RPS6KL1: variants seen among roughly 807,000 people sequenced by gnomAD.
RPS6KL1 encodes ribosomal protein S6 kinase-like 1.
RPS6KL1 carries 41 observed loss-of-function variants against 57.0 expected under a neutral mutation model. The ratio of observed to expected loss-of-function variants is 0.72; its 90% CI spans 0.56 to 0.93. RPS6KL1 has a LOEUF of 0.93. Among genes scored for constraint, RPS6KL1 ranks in the 40% least tolerant of loss-of-function variants. The probability of loss-of-function intolerance (pLI) is 0.00; values close to 1 mark genes in which losing one functional copy is unlikely to be tolerated. For missense variants in RPS6KL1, 697 were observed against 727.7 expected, an observed-to-expected ratio of 0.96 and a Z score of 0.49; for synonymous variants, 287 against 309.7, an observed-to-expected ratio of 0.93 and a Z score of 0.77.
At chr14:74,914,306 A>C (rs1886496561) in intron 5 of RPS6KL1, among the ~76,000 whole-genome samples, 1 of 152,174 alleles carries the variant, frequency 6.6e-6, no homozygotes, top group African/African-American at 2.4e-5. Context: ...TTTCCCACAA[A>C]TCCTGACACC....
intron 4 of RPS6KL1, among the ~76,000 whole-genome samples, chr14:74,919,165 A>C (rs893666111): frequency 3.3e-5 from 5 of 152,138 alleles, no homozygotes; most frequent in African/African-American, 9.7e-5. Flanking sequence ...ACAAAGCGAG[A>C]CTCCATCTCA....
Position 74,921,558 on chromosome 14 carries a change from G to C in RPS6KL1, c.-17C>G. On this transcript the variant is annotated 5_prime_UTR_variant, in exon 3 of 12. Coordinates refer to ENST00000557413, the MANE Select transcript of RPS6KL1 (RefSeq NM_031464.5). ...CAGGCTCATGGCTGCCCTGCAGCTG[G>C]GACCTGGAATGGGCAAATGCATTAG... is the stretch of plus-strand genomic sequence containing the variant. 6.2e-7 allele frequency: 1 copy of C among 1,611,544 alleles called. No homozygotes were observed. Among genetic ancestry groups the C allele is most frequent in the Non-Finnish European group, 8.5e-7 (1 of 1,179,094 alleles).
In RPS6KL1 at chr14:74,919,976, G is replaced by C. The variant is rs756501973; in HGVS notation, c.266-7C>G. 1 of 1,614,124 alleles carries C rather than the reference G, an allele frequency of 6.2e-7. No homozygotes were observed. Among genetic ancestry groups the C allele is most frequent in the South Asian group, 1.1e-5 (1 of 91,082 alleles). On this transcript the variant is annotated splice_region_variant and splice_polypyrimidine_tract_variant and intron_variant, in intron 3 of 11. Transcript: ENST00000557413. Reference sequence around the variant, plus strand: ...CGCTCCTTGTTGGGGTCAACTGTGGGAGACAAGAGTCACCAGGGTCCCCAG... The same window carrying C: ...CGCTCCTTGTTGGGGTCAACTGTGGCAGACAAGAGTCACCAGGGTCCCCAG...
rs1275661388 is a variant in RPS6KL1, at chr14:74,904,510, T to C, written c.*2504A>G. On this transcript the variant is annotated 3_prime_UTR_variant, in exon 12 of 12. Transcript: ENST00000557413. The stretch of plus-strand genomic sequence containing the variant: ...TGAGACGAGGGGTCCATACAGATGG[T>C]TGGGGGGCTTAGGATGTTTTTTGTT... The C allele has an allele frequency of 6.6e-6, 1 of 152,118 alleles. No individual in the cohort carries two copies. The highest frequency in any genetic ancestry group is 1.9e-4 in the East Asian group (1 of 5,200). The allele number at this position is 152,118 out of a possible 1,614,324, so 9.4% of individuals were successfully genotyped here.
chr14:74,907,612 C>T (rs1885144512), intron 10 of RPS6KL1, 82 bp from the exon 11 acceptor site: 1 of 1,316,852 alleles, frequency 7.6e-7, no homozygotes, highest in East Asian at 2.5e-5. Context: ...TTTTTTTTCC[C>T]CATGTCACAG....
At chr14:74,917,921 G>C (rs1478028650) in intron 5 of RPS6KL1, among the ~76,000 whole-genome samples, 2 of 152,048 alleles carry the variant, frequency 1.3e-5, no homozygotes, top group Non-Finnish European at 2.9e-5. Context: ...AGTGTGGTGG[G>C]GGTGCTGTGG....
In RPS6KL1 at chr14:74,911,376, AG is replaced by A. The variant is rs1174069840; in HGVS notation, c.535del (p.Leu179TyrfsTer7). On this transcript the variant is annotated frameshift_variant, in exon 7 of 12. Coordinates refer to ENST00000557413, the MANE Select transcript of RPS6KL1 (RefSeq NM_031464.5). LOFTEE classifies it high-confidence loss of function. ...ATGGTFVVKS[L>X]PRCHMVSRER... is the part of the protein sequence containing the mutation. The stretch of plus-strand genomic sequence containing the variant: ...CCTGCTCACCATGTGGCACCTGGGT[AG>A]GCTCTGGGAGCAGCAGGGCAGGCAG... 6.2e-7 allele frequency: 1 copy of A among 1,604,300 alleles called. No homozygotes were observed. Among genetic ancestry groups the A allele is most frequent in the Non-Finnish European group, 8.5e-7 (1 of 1,177,686 alleles).
At chr14:74,909,261 C>T (rs1885470769) in intron 8 of RPS6KL1, 71 bp from the exon 9 acceptor site, 1 of 1,449,444 alleles carries the variant, frequency 6.9e-7, no homozygotes, top group Non-Finnish European at 9.7e-7. Flanking sequence ...GGTTGCAGGG[C>T]TTCCCCCAAC....
chr14:74,905,512 C>T lies in RPS6KL1; in HGVS notation c.*1502G>A, dbSNP rs539493847. Reference sequence around the variant, plus strand: ...TGAGGCCCACATGGCATGCTGCTCACCACCAGCCCTGCGTCCTACTTCCTG... The same window carrying T: ...TGAGGCCCACATGGCATGCTGCTCATCACCAGCCCTGCGTCCTACTTCCTG... On this transcript the variant is annotated 3_prime_UTR_variant, in exon 12 of 12. Coordinates refer to ENST00000557413, the MANE Select transcript of RPS6KL1 (RefSeq NM_031464.5). 7.2e-5 allele frequency: 11 copies of T among 152,218 alleles called. No homozygotes were observed. The highest frequency in any genetic ancestry group is 2.6e-4 in the African/African-American group (11 of 41,522). The allele number at this position is 152,218 out of a possible 1,614,324, so 9.4% of individuals were successfully genotyped here.
At position 74,921,355 on chromosome 14, in the gene RPS6KL1, G is replaced by C; in HGVS notation, c.187C>G (p.Arg63Gly). The change falls in exon 3 of 12, where the codon CGC (arginine) becomes GGC (glycine). Residue 63 changes from arginine to glycine, a missense_variant. Physicochemically the swap from Arg to Gly is moderately radical, Grantham distance 125. Transcript: ENST00000557413. ...AATQIRLALE[R>G]DVSEDYEAAF... ...GCCTCATAGTCCTCACTAACATCGC[G>C]CTCCAGGGCCAGCCGGATCTGCGTG... 1 of 1,614,198 alleles carries C rather than the reference G, an allele frequency of 6.2e-7. No individual in the cohort carries two copies. The highest frequency in any genetic ancestry group is 8.5e-7 in the Non-Finnish European group (1 of 1,180,040).
At position 74,907,093 on chromosome 14, in the gene RPS6KL1, C is replaced by T. The variant is rs1885020692; in HGVS notation, c.1571G>A (p.Gly524Asp). 6.2e-7 allele frequency: 1 copy of T among 1,613,656 alleles called. No individual in the cohort carries two copies. The highest frequency in any genetic ancestry group is 1.1e-5 in the South Asian group (1 of 90,938). ...LLQFEPTRRLGMGEGGVSKLK... is the reference protein window; with the variant it reads ...LLQFEPTRRLDMGEGGVSKLK... ...TTTGCTGACACCACCTTCTCCCATG[C>T]CCAGGCGCCGGGTAGGCTCGAACTG... Residue 524 changes from glycine to aspartate, a missense_variant, in exon 12 of 12, where the codon GGC (glycine) becomes GAC (aspartate). Transcript: ENST00000557413.
rs1887855710 is a variant in RPS6KL1 at position 74,921,576 on chromosome 14, T to C, written c.-20-15A>G. On this transcript the variant is annotated splice_polypyrimidine_tract_variant and intron_variant, in intron 2 of 11. Coordinates refer to ENST00000557413, the MANE Select transcript of RPS6KL1 (RefSeq NM_031464.5). The stretch of plus-strand genomic sequence containing the variant: ...GCAGCTGGGACCTGGAATGGGCAAA[T>C]GCATTAGGGAGGACCTAGCTGGTAG... 1 of 1,604,762 alleles carries C rather than the reference T, an allele frequency of 6.2e-7. No homozygotes were observed. Among genetic ancestry groups the C allele is most frequent in the South Asian group, 1.1e-5 (1 of 90,602 alleles).
intron 5 of RPS6KL1, among the ~76,000 whole-genome samples, chr14:74,912,345 C>G (rs1291743495): frequency 6.6e-6 from 1 of 151,716 alleles, no homozygotes; most frequent in African/African-American, 2.4e-5. Flanking sequence ...GACGGGAGGG[C>G]TGAGAAGCCC....
chr14:74,907,089 C>CT lies in RPS6KL1; in HGVS notation c.1574_1575insA (p.Met525IlefsTer32). 18 of 1,613,728 alleles carry CT rather than the reference C, an allele frequency of 1.1e-5. No homozygotes were observed. The highest frequency in any genetic ancestry group is 1.5e-5 in the Non-Finnish European group (18 of 1,179,862). On this transcript the variant is annotated frameshift_variant, in exon 12 of 12. Coordinates refer to ENST00000557413, the MANE Select transcript of RPS6KL1 (RefSeq NM_031464.5). LOFTEE classifies it high-confidence loss of function. ...TGAGTTTGCTGACACCACCTTCTCC[C>CT]ATGCCCAGGCGCCGGGTAGGCTCGA...
rs537079155 is a variant in RPS6KL1 at position 74,906,409 on chromosome 14, T to TGGGGGGGGGGG, written c.*604_*605insCCCCCCCCCCC. 6.4e-6 allele frequency: 1 copy of TGGGGGGGGGGG among 157,414 alleles called. No homozygotes were observed. Among genetic ancestry groups the TGGGGGGGGGGG allele is most frequent in the African/African-American group, 6.6e-5 (1 of 15,248 alleles). 9.8% of individuals were successfully genotyped at this position (157,414 alleles called of 1,614,324 possible). On this transcript the variant is annotated 3_prime_UTR_variant, in exon 12 of 12. Coordinates refer to ENST00000557413, the MANE Select transcript of RPS6KL1 (RefSeq NM_031464.5). ...AGGGGGCATGGTCAGGAATCGGGGG[T>TGGGGGGGGGGG]GGGGGGGTGGGGGTGGGGGTCATCC...
At chr14:74,915,796 T>TA (rs1267381472) in intron 5 of RPS6KL1, among the ~76,000 whole-genome samples, 3 of 152,084 alleles carry the variant, frequency 2.0e-5, no homozygotes, top group Admixed American at 1.3e-4. Context: ...TGGTAACAAC[T>TA]AAAAAAACCC....
intron 3 of RPS6KL1, 131 bp downstream of exon 3, chr14:74,921,146 G>T: frequency 1.3e-6 from 1 of 748,336 alleles, no homozygotes; most frequent in Non-Finnish European, 2.2e-6. Flanking sequence ...TTTTATGGAG[G>T]CCCTGCAGGC....
intron 3 of RPS6KL1, 39 bp downstream of exon 3, chr14:74,921,238 T>TCCCCCCCCCCCCCCCCCCCCCCCCCC: frequency 1.2e-6 from 1 of 840,164 alleles, no homozygotes; most frequent in Non-Finnish European, 2.0e-6. Flanking sequence ...CACTGGCCCT[T>TCCCCCCCCCCCCCCCCCCCCCCCCCC]CCCCACCCAC....
At chr14:74,911,413 G>T in intron 6 of RPS6KL1, 33 bp from the exon 7 acceptor site, 1 of 1,591,398 alleles carries the variant, frequency 6.3e-7, no homozygotes, top group African/African-American at 1.3e-5. Flanking sequence ...ATCAGCCGGG[G>T]ACAGGCCAGA....
Sources: allele counts gnomAD v4.1 joint callset (sites outside exome capture counted in the v4.1 genomes callset), GRCh38; gene constraint gnomAD v4.1.1; transcripts MANE v1.5; gene names NCBI Gene and HGNC (gene_info 2026-07-23, HGNC 2026-07-21).